DMKN: variants seen among roughly 807,000 people sequenced by gnomAD.
DMKN encodes dermokine, also known as epidermis-specific secreted protein SK30/SK89.
DMKN carries 58 observed loss-of-function variants against 67.6 expected under a neutral mutation model. That is an observed-to-expected ratio of 0.86 (90% CI 0.69 to 1.07). The LOEUF (loss-of-function observed/expected upper bound fraction) is 1.07, where lower values mean the gene tolerates loss of function less well. DMKN is among the 50% of genes least tolerant of loss of function. The pLI is 0.00. For missense variants in DMKN, 596 were observed against 601.5 expected (o/e 0.99, Z 0.10); for synonymous variants, 240 against 232.3 (o/e 1.03, Z -0.30).
intron 11 of DMKN, 118 bp from the exon 12 acceptor site, chr19:35,500,698 G>A: frequency 8.4e-7 from 1 of 1,187,388 alleles, no homozygotes; most frequent in South Asian, 1.5e-5. Flanking sequence ...TATAGAGAAG[G>A]CAGTGAGCCT....
intron 9 of DMKN, among the ~76,000 whole-genome samples, chr19:35,503,879 T>C (rs981613098): frequency 1.0e-4 from 15 of 145,638 alleles, no homozygotes; most frequent in African/African-American, 2.7e-4. Flanking sequence ...ACAGGGACCT[T>C]TTTGCCCACC....
At chr19:35,499,017 G>GT in intron 13 of DMKN, 120 bp from the exon 14 acceptor site, 1 of 1,441,238 alleles carries the variant, frequency 6.9e-7, no homozygotes, top group Non-Finnish European at 9.6e-7. Context: ...TATCACCAAG[G>GT]TTTTCCAGTC....
rs771954574 is a variant in DMKN at position 35,498,862 on chromosome 19, C to G, written c.1383+12G>C. On this transcript the variant is annotated intron_variant, in intron 14 of 15. Transcript: ENST00000339686. Reference sequence around the variant, plus strand: ...CTCTCCAGCCAGATGAAGATCAGGCCCCCATACTCACCGAGGAAGAAGGTG... The same window carrying G: ...CTCTCCAGCCAGATGAAGATCAGGCGCCCATACTCACCGAGGAAGAAGGTG... The G allele has an allele frequency of 6.2e-7, 1 of 1,613,978 alleles. No homozygotes were observed. The highest frequency in any genetic ancestry group is 1.1e-5 in the South Asian group (1 of 91,080).
intron 7 of DMKN, chr19:35,508,260 A>C: frequency 6.4e-7 from 1 of 1,552,020 alleles, no homozygotes. Flanking sequence ...GAGACAAAGA[A>C]ACACAGACCC....
At chr19:35,506,686 T>C (rs1389901855) in intron 7 of DMKN, 3 of 385,248 alleles carry the variant, frequency 7.8e-6, no homozygotes, top group South Asian at 3.7e-5. Flanking sequence ...ACAGATGACA[T>C]GATAGAGCTG....
intron 11 of DMKN, among the ~76,000 whole-genome samples, chr19:35,501,106 G>C (rs568783069): frequency 4.6e-5 from 7 of 152,090 alleles, no homozygotes; most frequent in African/African-American, 1.7e-4. Context: ...CACTGCAGAT[G>C]CACCGGACAC....
chr19:35,500,183 TCCAG>T, intron 12 of DMKN, 154 bp from the exon 13 acceptor site: 1 of 1,181,994 alleles, frequency 8.5e-7, no homozygotes, highest in Non-Finnish European at 1.2e-6. Context: ...TACAATCTCC[TCCAG>T]CCAGCCAGGG....
intron 7 of DMKN, chr19:35,508,179 T>TG (rs2069968415): frequency 6.4e-7 from 1 of 1,551,932 alleles, no homozygotes; most frequent in African/African-American, 1.4e-5. Context: ...GCACAGTCTC[T>TG]GACCCCACAT....
chr19:35,507,513 T>C, intron 7 of DMKN: 1 of 1,551,314 alleles, frequency 6.4e-7, no homozygotes, highest in Non-Finnish European at 8.7e-7. Flanking sequence ...GCTTATTTCC[T>C]AGGGAGACAG....
chr19:35,510,098 G>A, intron 6 of DMKN, 86 bp downstream of exon 6: 1 of 1,565,850 alleles, frequency 6.4e-7, no homozygotes, highest in South Asian at 1.2e-5. Context: ...TCTCCGCGGA[G>A]CCTTGGCTCC....
intron 9 of DMKN, among the ~76,000 whole-genome samples, chr19:35,503,617 A>T (rs983551996): frequency 6.6e-6 from 1 of 152,048 alleles, no homozygotes; most frequent in Admixed American, 6.5e-5. Flanking sequence ...CTGGGACTAC[A>T]GGCGCACACC....
Position 35,513,126 on chromosome 19 carries a change from G to A in DMKN, c.350C>T (p.Ala117Val). The change falls in exon 1 of 16, where the codon GCA becomes GTA. Residue 117 changes from alanine to valine, a missense_variant. Physicochemically the swap from Ala to Val is moderately conservative, Grantham distance 64. Transcript: ENST00000339686. ...GNTGHEIGRQ[A>V]EDVIRHGADA... ...TGCTCCGTGTCGAATGACATCTTCT[G>A]CCTGTCTGCCAATCTCGTGCCCAGT... The A allele has an allele frequency of 6.2e-7, 1 of 1,614,150 alleles. No homozygotes were observed. The highest frequency in any genetic ancestry group is 8.5e-7 in the Non-Finnish European group (1 of 1,180,044).
At chr19:35,511,980 C>CCGTCT (rs2146233316) in intron 3 of DMKN, among the ~76,000 whole-genome samples, 167 bp from the exon 4 acceptor site, 1 of 151,322 alleles carries the variant, frequency 6.6e-6, no homozygotes, top group Admixed American at 6.6e-5. Flanking sequence ...AGGCCCAGGC[C>CCGTCT]CGTCTCTTCC....
At position 35,502,142 on chromosome 19, in the gene DMKN, A is replaced by T. The variant is rs1568572706; in HGVS notation, c.1233T>A (p.Ile411=). 6.2e-7 allele frequency: 1 copy of T among 1,613,958 alleles called. No homozygotes were observed. The highest frequency in any genetic ancestry group is 1.3e-5 in the African/African-American group (1 of 74,966). The change falls in exon 11 of 16, where the codon ATT becomes ATA. Residue 411 remains isoleucine, a synonymous_variant. Transcript: ENST00000339686. ...QNTPFLNWKA[I]IEGADASSLQ... Reference sequence around the variant, plus strand: ...GAAGTCCTGCCCCCCTTACCTCAATAATTGCTTTCCAGTTGAGGAAAGGAG... The same window carrying T: ...GAAGTCCTGCCCCCCTTACCTCAATTATTGCTTTCCAGTTGAGGAAAGGAG...
chr19:35,510,294 C>G, intron 5 of DMKN, 42 bp from the exon 6 acceptor site: 3 of 1,567,862 alleles, frequency 1.9e-6, no homozygotes, highest in Non-Finnish European at 2.6e-6. Context: ...CCTAAAGGAC[C>G]TAAAGGGGAC....
At chr19:35,502,779 G>A (rs371628447) in intron 10 of DMKN, 51 bp downstream of exon 10, 34 of 1,599,772 alleles carry the variant, frequency 2.1e-5, no homozygotes, top group Non-Finnish European at 2.9e-5. Context: ...GGCTTGGGGA[G>A]AGTCAGGAGG....
intron 9 of DMKN, chr19:35,503,550 A>T: frequency 6.8e-7 from 1 of 1,474,386 alleles, no homozygotes; most frequent in Non-Finnish European, 9.1e-7. Context: ...ATATCAGCTC[A>T]CCGCAACCTC....
In DMKN at chr19:35,511,333, G is replaced by A. The variant is rs1462105597; in HGVS notation, c.918+78C>T. ...TCCTCGGGCAGCGGCAGCTTTCAGA[G>A]AAACTTGGAGCCCTCTCCCGGCAGG... On this transcript the variant is annotated intron_variant, in intron 5 of 15. Transcript: ENST00000339686. 49 of 1,589,348 alleles carry A rather than the reference G, an allele frequency of 3.1e-5. No individual in the cohort carries two copies. In the East Asian group the frequency reaches 1.0e-3, roughly 33 times the overall value.
chr19:35,512,820 G>A, intron 1 of DMKN, 30 bp from the exon 2 acceptor site: 4 of 1,602,840 alleles, frequency 2.5e-6, no homozygotes, highest in South Asian at 2.2e-5. Flanking sequence ...GCACTTAGTG[G>A]GACCATCTCT....
Sources: gnomAD v4.1 joint callset for allele counts (sites outside exome capture counted in the v4.1 genomes callset) on GRCh38, gnomAD v4.1.1 for gene constraint, MANE v1.5 for transcripts, NCBI Gene and HGNC (gene_info 2026-07-23, HGNC 2026-07-21) for gene names.